The following HMGCLL1 variants were observed in gnomAD, a reference collection of about 807,000 sequenced individuals.
HMGCLL1 encodes the protein 3-hydroxymethyl-3-methylglutaryl-CoA lyase, cytoplasmic.
A neutral mutation model predicts 39.1 loss-of-function variants in HMGCLL1; 36 were observed. The ratio of observed to expected loss-of-function variants is 0.92; its 90% CI spans 0.71 to 1.22. The LOEUF (loss-of-function observed/expected upper bound fraction) is 1.22, where lower values mean the gene tolerates loss of function less well. HMGCLL1 is among the 50% of genes most tolerant of loss of function. HMGCLL1 has a pLI of 0.00. For missense variants in HMGCLL1, 451 were observed against 416.5 expected (o/e 1.08, Z -0.72); for synonymous variants, 149 against 144.0 (o/e 1.03, Z -0.25).
the HMGCLL1 span, among the ~76,000 whole-genome samples, chr6:55,586,129 G>A: frequency 6.6e-6 from 1 of 152,022 alleles, no homozygotes; most frequent in African/African-American, 2.4e-5. Flanking sequence ...AATTTAATAG[G>A]GAAATATAAT....
chr6:55,627,827 G>C, the HMGCLL1 span, among the ~76,000 whole-genome samples: 10 of 124,870 alleles, frequency 8.0e-5, no homozygotes, highest in Admixed American at 4.2e-4. Flanking sequence ...TCAGATTGCA[G>C]ACAGCTTATT....
At chr6:55,675,608 A>G in the HMGCLL1 span, among the ~76,000 whole-genome samples, 1 of 152,130 alleles carries the variant, frequency 6.6e-6, no homozygotes, top group Non-Finnish European at 1.5e-5. Context: ...GAGACCAACA[A>G]TGTAAAATAA....
intron 4 of HMGCLL1, among the ~76,000 whole-genome samples, chr6:55,515,335 C>T (rs1334053456): frequency 6.6e-6 from 1 of 151,562 alleles, no homozygotes; most frequent in Non-Finnish European, 1.5e-5. Context: ...AAAATATTGG[C>T]TTTTATGCCT....
chr6:55,532,321 TA>T (rs1053229681), intron 3 of HMGCLL1, among the ~76,000 whole-genome samples: 1 of 152,132 alleles, frequency 6.6e-6, no homozygotes, highest in Non-Finnish European at 1.5e-5. Flanking sequence ...ATGAGCATAT[TA>T]AACAATAAAA....
the HMGCLL1 span, among the ~76,000 whole-genome samples, chr6:55,644,552 T>C: frequency 1.3e-5 from 2 of 152,092 alleles, no homozygotes; most frequent in African/African-American, 4.8e-5. Flanking sequence ...ATGTCTTTAA[T>C]CTATTTTGAT....
intron 1 of HMGCLL1, among the ~76,000 whole-genome samples, chr6:55,543,513 A>ATATATC (rs1561951780): frequency 1.2e-3 from 105 of 89,510 alleles, no homozygotes; most frequent in African/African-American, 4.4e-3. Context: ...TATCATATAT[A>ATATATC]ATATATATAT....
intron 5 of HMGCLL1, among the ~76,000 whole-genome samples, chr6:55,505,531 C>T (rs1159662569): frequency 6.6e-6 from 1 of 151,684 alleles, no homozygotes; most frequent in Non-Finnish European, 1.5e-5. Flanking sequence ...TTGTGGATAA[C>T]ATAAAAATTA....
intron 5 of HMGCLL1, among the ~76,000 whole-genome samples, chr6:55,506,028 T>C (rs953847997): frequency 2.0e-5 from 3 of 151,654 alleles, no homozygotes; most frequent in African/African-American, 4.8e-5. Flanking sequence ...AGAATACAAA[T>C]AGAGTAAACT....
chr6:55,483,282 T>G (rs115424767), intron 7 of HMGCLL1, among the ~76,000 whole-genome samples: 5,377 of 152,254 alleles, frequency 0.035, 138 homozygotes, highest in Non-Finnish European at 0.053. Context: ...TATTTTATTT[T>G]TTGAGATGGA....
intron 1 of HMGCLL1, among the ~76,000 whole-genome samples, chr6:55,559,476 C>T (rs977533292): frequency 2.0e-5 from 3 of 152,100 alleles, no homozygotes; most frequent in Admixed American, 6.6e-5. Context: ...AGTCATGTTA[C>T]TTTCTGAGTG....
chr6:55,621,458 GCTCCAA>G, the HMGCLL1 span, among the ~76,000 whole-genome samples: 31 of 152,070 alleles, frequency 2.0e-4, no homozygotes, highest in African/African-American at 7.5e-4. Context: ...TACCGCCTGA[GCTCCAA>G]CTCCTGTCAG....
the HMGCLL1 span, among the ~76,000 whole-genome samples, chr6:55,640,433 G>A: frequency 1.3e-4 from 20 of 151,768 alleles, no homozygotes; most frequent in Middle Eastern, 3.4e-3. Flanking sequence ...ACATAGAGGA[G>A]TACATACAGC....
At chr6:55,542,415 G>A (rs898769579) in intron 1 of HMGCLL1, among the ~76,000 whole-genome samples, 1 of 151,912 alleles carries the variant, frequency 6.6e-6, no homozygotes, top group African/African-American at 2.4e-5. Context: ...ATTTACTCAG[G>A]ACCTAAAGAT....
At chr6:55,537,096 AG>A (rs2127453063) in intron 3 of HMGCLL1, among the ~76,000 whole-genome samples, 1 of 151,524 alleles carries the variant, frequency 6.6e-6, no homozygotes. Flanking sequence ...TGACTTCATA[AG>A]ATTTTTTTTC....
chr6:55,641,570 A>G, the HMGCLL1 span, among the ~76,000 whole-genome samples: 13 of 151,982 alleles, frequency 8.6e-5, no homozygotes, highest in African/African-American at 3.1e-4. Context: ...TAGTTACCCT[A>G]GGAAAACAGA....
chr6:55,522,588 C>T (rs1377803744), intron 3 of HMGCLL1, among the ~76,000 whole-genome samples: 1 of 151,956 alleles, frequency 6.6e-6, no homozygotes, highest in African/African-American at 2.4e-5. Flanking sequence ...GTGATTAACT[C>T]CCCGCTGCAC....
the HMGCLL1 span, among the ~76,000 whole-genome samples, chr6:55,650,023 C>T: frequency 3.0e-5 from 4 of 134,570 alleles, no homozygotes; most frequent in African/African-American, 1.1e-4. Flanking sequence ...TGAGTTTCCT[C>T]AAAGCAGCTA....
the HMGCLL1 span, among the ~76,000 whole-genome samples, chr6:55,636,529 A>T: frequency 6.6e-6 from 1 of 152,136 alleles, no homozygotes; most frequent in East Asian, 1.9e-4. Context: ...TTTTAAATTC[A>T]ATTGCTGGTA....
At chr6:55,621,084 C>T in the HMGCLL1 span, among the ~76,000 whole-genome samples, 50 of 151,974 alleles carry the variant, frequency 3.3e-4, no homozygotes, top group Non-Finnish European at 6.2e-4. Context: ...TCTTTTTGCT[C>T]AGGATGGCTT....
Sources: gnomAD v4.1 joint callset for allele counts (sites outside exome capture counted in the v4.1 genomes callset) on GRCh38, gnomAD v4.1.1 for gene constraint, MANE v1.5 for transcripts, NCBI Gene and HGNC (gene_info 2026-07-23, HGNC 2026-07-21) for gene names.